The following STXBP4 variants were observed in gnomAD, a reference collection of about 807,000 sequenced individuals.
STXBP4 encodes syntaxin-binding protein 4.
STXBP4 carries 55 observed loss-of-function variants against 76.1 expected under a neutral mutation model. The observed-to-expected ratio is 0.72, with a 90% confidence interval of 0.58 to 0.91. The LOEUF (loss-of-function observed/expected upper bound fraction) is 0.91, where lower values mean the gene tolerates loss of function less well. Among genes scored for constraint, STXBP4 ranks in the 40% least tolerant of loss-of-function variants. The probability of loss-of-function intolerance (pLI) is 0.00; values close to 1 mark genes in which losing one functional copy is unlikely to be tolerated. For missense variants in STXBP4, 618 were observed against 636.9 expected (o/e 0.97, Z 0.32); for synonymous variants, 201 against 220.2 (o/e 0.91, Z 0.77).
intron 16 of STXBP4, among the ~76,000 whole-genome samples, chr17:55,102,166 G>C (rs968872144): frequency 6.6e-6 from 1 of 150,922 alleles, no homozygotes; most frequent in South Asian, 2.1e-4. Flanking sequence ...TGGGATACAT[G>C]TACAGAATTT....
At chr17:55,052,606 TGGTTTTAAA>T (rs2078872436) in intron 12 of STXBP4, among the ~76,000 whole-genome samples, 2 of 152,108 alleles carry the variant, frequency 1.3e-5, no homozygotes, top group Non-Finnish European at 2.9e-5. Context: ...AATATTTACA[TGGTTTTAAA>T]GTATCTCTCT....
chr17:55,191,276 A>G, the STXBP4 span, among the ~76,000 whole-genome samples: 1 of 152,116 alleles, frequency 6.6e-6, no homozygotes, highest in African/African-American at 2.4e-5. Flanking sequence ...TTCTCAAACT[A>G]CAATGTGCAT....
Position 55,168,172 on chromosome 17 carries a change from A to G in STXBP4, c.*8261A>G, listed in dbSNP as rs1344227226. ...GAAATTTGAAGGAAATAGAATGCAT[A>G]CATACACACACATACACTTAGTATA... On this transcript the variant is annotated 3_prime_UTR_variant, in exon 18 of 18. Coordinates refer to ENST00000376352, the MANE Select transcript of STXBP4 (RefSeq NM_178509.6). 6.6e-6 allele frequency: 1 copy of G among 152,022 alleles called. No homozygotes were observed. The highest frequency in any genetic ancestry group is 1.5e-5 in the Non-Finnish European group (1 of 67,966). 9.4% of individuals were successfully genotyped at this position (152,022 alleles called of 1,614,324 possible).
the STXBP4 span, among the ~76,000 whole-genome samples, chr17:55,179,351 T>C: frequency 7.7e-4 from 117 of 152,248 alleles, no homozygotes; most frequent in African/African-American, 2.6e-3. Flanking sequence ...ATTAACAGCT[T>C]CTTGCCAACC....
chr17:55,166,861 C>T lies in STXBP4; in HGVS notation c.*6950C>T, dbSNP rs2080379985. 6.6e-6 allele frequency: 1 copy of T among 152,238 alleles called. No individual in the cohort carries two copies. Among genetic ancestry groups the T allele is most frequent in the South Asian group, 2.1e-4 (1 of 4,828 alleles). The allele number at this position is 152,238 out of a possible 1,614,324, so 9.4% of individuals were successfully genotyped here. On this transcript the variant is annotated 3_prime_UTR_variant, in exon 18 of 18. Coordinates refer to ENST00000376352, the MANE Select transcript of STXBP4 (RefSeq NM_178509.6). Reference sequence around the variant, plus strand: ...AGTCTTAGAGGCTTGAAATCTGGTTCTACCTTCTCTTTCTCCATGTGGTAA... The same window carrying T: ...AGTCTTAGAGGCTTGAAATCTGGTTTTACCTTCTCTTTCTCCATGTGGTAA...
At chr17:55,013,317 G>A (rs56207252) in intron 8 of STXBP4, among the ~76,000 whole-genome samples, 2,038 of 152,288 alleles carry the variant, frequency 0.013, 17 homozygotes, top group Admixed American at 0.021. Flanking sequence ...TTGGGTTAAG[G>A]CCTTCTTTAG....
At chr17:55,057,646 G>C (rs2078944909) in intron 12 of STXBP4, among the ~76,000 whole-genome samples, 1 of 152,156 alleles carries the variant, frequency 6.6e-6, no homozygotes, top group East Asian at 1.9e-4. Context: ...CTATCAACCC[G>C]ACATCTAGGT....
downstream of STXBP4, among the ~76,000 whole-genome samples, chr17:55,178,437 G>A (rs908936099): frequency 5.3e-5 from 8 of 152,312 alleles, no homozygotes; most frequent in Middle Eastern, 3.4e-3. Context: ...AGCCTCATCT[G>A]CAGAATGCAA....
intron 8 of STXBP4, among the ~76,000 whole-genome samples, chr17:55,012,965 T>G (rs2078140552): frequency 6.6e-6 from 1 of 152,232 alleles, no homozygotes; most frequent in Non-Finnish European, 1.5e-5. Flanking sequence ...GTTGCAGCAC[T>G]GGCCTTTCAA....
At chr17:55,125,090 A>G (rs1181377174) in intron 16 of STXBP4, among the ~76,000 whole-genome samples, 2 of 152,196 alleles carry the variant, frequency 1.3e-5, no homozygotes, top group African/African-American at 4.8e-5. Flanking sequence ...AGTTTATACC[A>G]ATACTAAACT....
intron 8 of STXBP4, among the ~76,000 whole-genome samples, chr17:55,008,116 A>C (rs921971615): frequency 2.1e-4 from 32 of 152,180 alleles, no homozygotes; most frequent in Admixed American, 9.2e-4. Context: ...CATGTAAAAG[A>C]AACTTAAGAT....
At chr17:55,100,669 A>C (rs2079552551) in intron 16 of STXBP4, among the ~76,000 whole-genome samples, 1 of 152,132 alleles carries the variant, frequency 6.6e-6, no homozygotes, top group South Asian at 2.1e-4. Flanking sequence ...GAAGAGTCTA[A>C]GTGTTGTGTT....
Position 54,968,901 on chromosome 17 carries a change from C to T in STXBP4, c.-157+86C>T, listed in dbSNP as rs371678680. ...TTAACATTTAGGAAAATGCGTTTCG[C>T]CCGTCCGCGTGCAAGCTTGCCATCA... On this transcript the variant is annotated intron_variant, in intron 1 of 17. Transcript: ENST00000376352. The T allele has an allele frequency of 3.6e-5, 15 of 416,560 alleles. No homozygotes were observed. The East Asian group carries it at 4.3e-4, about 12-fold the overall frequency. 25.8% of individuals were successfully genotyped at this position (416,560 alleles called of 1,614,324 possible).
At chr17:55,019,494 G>A (rs958309750) in intron 8 of STXBP4, among the ~76,000 whole-genome samples, 19 of 152,070 alleles carry the variant, frequency 1.2e-4, no homozygotes, top group South Asian at 1.0e-3. Context: ...TAGTTTTGGC[G>A]TATCTTTGTT....
chr17:55,053,748 A>C (rs1037380561), intron 12 of STXBP4, among the ~76,000 whole-genome samples: 2 of 152,018 alleles, frequency 1.3e-5, no homozygotes, highest in Non-Finnish European at 2.9e-5. Context: ...TTATACCTCC[A>C]TGAGTTTATA....
the STXBP4 span, among the ~76,000 whole-genome samples, chr17:55,186,120 G>A: frequency 2.0e-5 from 3 of 152,262 alleles, no homozygotes; most frequent in East Asian, 5.8e-4. Context: ...GCAATTACTT[G>A]TCTACAAACC....
At chr17:55,073,738 C>T (rs1432454683) in intron 13 of STXBP4, among the ~76,000 whole-genome samples, 3 of 152,156 alleles carry the variant, frequency 2.0e-5, no homozygotes, top group Non-Finnish European at 4.4e-5. Flanking sequence ...AAGTGATTCT[C>T]CTGCCTCAGC....
chr17:55,199,393 G>A, the STXBP4 span, among the ~76,000 whole-genome samples: 3 of 152,194 alleles, frequency 2.0e-5, no homozygotes, highest in African/African-American at 7.2e-5. Context: ...TCCCCTAGAT[G>A]CAGTTAAGTT....
chr17:55,041,228 CTTT>C (rs373020633), intron 10 of STXBP4, among the ~76,000 whole-genome samples: 10 of 122,194 alleles, frequency 8.2e-5, no homozygotes, highest in African/African-American at 2.1e-4. Flanking sequence ...TTTATTTAAA[CTTT>C]TTTTTTTTTT....
Sources: allele counts gnomAD v4.1 joint callset (sites outside exome capture counted in the v4.1 genomes callset), GRCh38; gene constraint gnomAD v4.1.1; transcripts MANE v1.5; gene names NCBI Gene and HGNC (gene_info 2026-07-23, HGNC 2026-07-21).